SEZ6L: variants seen among roughly 807,000 people sequenced by gnomAD.
SEZ6L encodes seizure related 6 homolog like.
SEZ6L carries 37 observed loss-of-function variants against 106.2 expected under a neutral mutation model. The observed-to-expected ratio is 0.35, with a 90% CI of 0.27 to 0.46. SEZ6L has a LOEUF of 0.46. Among genes scored for constraint, SEZ6L ranks in the 20% least tolerant of loss-of-function variants. The pLI is 1.00. For missense variants in SEZ6L, 1,172 were observed against 1,332.8 expected (o/e 0.88, Z 1.88); for synonymous variants, 541 against 570.4 (o/e 0.95, Z 0.73).
chr22:26,343,159 C>T (rs1423793779), intron 10 of SEZ6L, among the ~76,000 whole-genome samples: 2 of 151,952 alleles, frequency 1.3e-5, no homozygotes, highest in Non-Finnish European at 2.9e-5. Flanking sequence ...GGCAATGTAC[C>T]CTCCAGACTC....
intron 1 of SEZ6L, among the ~76,000 whole-genome samples, chr22:26,222,986 C>CAA (rs11344783): frequency 1.4e-5 from 2 of 147,028 alleles, no homozygotes; most frequent in Admixed American, 6.8e-5. Context: ...CAGCCTCCCA[C>CAA]AAAAAAAAAA....
intron 12 of SEZ6L, among the ~76,000 whole-genome samples, chr22:26,358,533 C>A (rs2083511759): frequency 6.6e-6 from 1 of 152,156 alleles, no homozygotes; most frequent in African/African-American, 2.4e-5. Context: ...TGATTTCGAG[C>A]TTTTTGTTCA....
rs79235025 is a variant in SEZ6L at position 26,346,234 on chromosome 22, G to A, written c.2213-1485G>A. Among the ~76,000 whole-genome samples the A allele has an allele frequency of 9.1e-3, 1,384 of 151,986 alleles. 23 individuals are homozygous for A. The highest frequency in any genetic ancestry group is 0.032 in the African/African-American group (1,333 of 41,440). ...TTATTGTTTTTGTAGAGATGGGGAGGTCTCCCTACATTGTCCAAGCTGATC... is the reference window on the plus strand; with the variant it reads ...TTATTGTTTTTGTAGAGATGGGGAGATCTCCCTACATTGTCCAAGCTGATC... On this transcript the variant is annotated intron_variant, in intron 10 of 16. Coordinates refer to ENST00000248933, the MANE Select transcript of SEZ6L (RefSeq NM_021115.5).
At chr22:26,297,673 G>A (rs1232368801) in intron 4 of SEZ6L, among the ~76,000 whole-genome samples, 4 of 151,992 alleles carry the variant, frequency 2.6e-5, no homozygotes, top group Non-Finnish European at 5.9e-5. Context: ...TTTCCTTTTT[G>A]TCTGTTCCTG....
At chr22:26,369,531 G>A (rs1292365674) in intron 13 of SEZ6L, among the ~76,000 whole-genome samples, 2 of 150,908 alleles carry the variant, frequency 1.3e-5, no homozygotes, top group Admixed American at 6.6e-5. Context: ...TAGTAGAGAC[G>A]GGTTTTCACC....
At chr22:26,326,354 C>T (rs973955453) in intron 9 of SEZ6L, among the ~76,000 whole-genome samples, 5 of 152,246 alleles carry the variant, frequency 3.3e-5, no homozygotes, top group Middle Eastern at 3.4e-3. Flanking sequence ...ACTTACTATT[C>T]GACAAGTGTT....
chr22:26,326,780 G>C (rs2082317182), intron 9 of SEZ6L, among the ~76,000 whole-genome samples: 1 of 152,236 alleles, frequency 6.6e-6, no homozygotes, highest in Non-Finnish European at 1.5e-5. Flanking sequence ...AGGCAGAGGT[G>C]GGCCGAGGTG....
intron 1 of SEZ6L, among the ~76,000 whole-genome samples, chr22:26,271,162 T>C (rs755070659): frequency 6.6e-6 from 1 of 152,204 alleles, no homozygotes; most frequent in African/African-American, 2.4e-5. Context: ...CCTTGAAGGA[T>C]AGGAACTATA....
chr22:26,298,917 A>T, intron 4 of SEZ6L, 67 bp from the exon 5 acceptor site: 1 of 1,445,028 alleles, frequency 6.9e-7, no homozygotes, highest in East Asian at 2.6e-5. Context: ...GGCTCCCAGG[A>T]TGTGGGTCAG....
chr22:26,243,048 C>T (rs1460488299), intron 1 of SEZ6L, among the ~76,000 whole-genome samples: 2 of 152,202 alleles, frequency 1.3e-5, no homozygotes, highest in Non-Finnish European at 2.9e-5. Flanking sequence ...GTAGTCTCTG[C>T]TCTACCTCTG....
intron 10 of SEZ6L, among the ~76,000 whole-genome samples, chr22:26,347,183 C>T (rs1360231183): frequency 6.9e-6 from 1 of 145,778 alleles, no homozygotes; most frequent in Non-Finnish European, 1.5e-5. Flanking sequence ...GCAACAGAGA[C>T]CCTGCCTGTA....
At chr22:26,255,943 G>A (rs149750839) in intron 1 of SEZ6L, among the ~76,000 whole-genome samples, 259 of 152,328 alleles carry the variant, frequency 1.7e-3, no homozygotes, top group Non-Finnish European at 2.8e-3. Context: ...TGTTGGAAGA[G>A]CACATGAGTG....
intron 9 of SEZ6L, among the ~76,000 whole-genome samples, 171 bp downstream of exon 9, chr22:26,314,073 C>T (rs905280360): frequency 2.6e-5 from 2 of 76,334 alleles, no homozygotes; most frequent in African/African-American, 4.1e-5. Flanking sequence ...ATCACAAATA[C>T]ACACACACAC....
intron 1 of SEZ6L, among the ~76,000 whole-genome samples, chr22:26,209,870 A>AGGAAGGAAGGAAAGAAGGGAGAGC (rs2078100450): frequency 6.8e-6 from 1 of 147,684 alleles, no homozygotes. Flanking sequence ...GAAGGGAGAG[A>AGGAAGGAAGGAAAGAAGGGAGAGC]GGAAGGAAGG....
At chr22:26,355,780 T>C (rs1187127328) in intron 12 of SEZ6L, among the ~76,000 whole-genome samples, 1 of 152,186 alleles carries the variant, frequency 6.6e-6, no homozygotes, top group Non-Finnish European at 1.5e-5. Flanking sequence ...TAAGCTCTGG[T>C]TGTCTACAGC....
chr22:26,341,587 A>G (rs2082838724), intron 10 of SEZ6L, among the ~76,000 whole-genome samples: 1 of 152,120 alleles, frequency 6.6e-6, no homozygotes, highest in East Asian at 1.9e-4. Context: ...AAATCCATCT[A>G]TCCAACTCCC....
chr22:26,226,905 A>G (rs918904910), intron 1 of SEZ6L, among the ~76,000 whole-genome samples: 1 of 152,180 alleles, frequency 6.6e-6, no homozygotes, highest in Non-Finnish European at 1.5e-5. Context: ...TGAAGAATGA[A>G]ACCACACAAT....
At chr22:26,305,722 T>C (rs2081607702) in intron 5 of SEZ6L, among the ~76,000 whole-genome samples, 1 of 152,208 alleles carries the variant, frequency 6.6e-6, no homozygotes, top group Non-Finnish European at 1.5e-5. Flanking sequence ...ATGTTGATGG[T>C]TCCAATTGTA....
chr22:26,207,011 T>C (rs1941304837), intron 1 of SEZ6L, among the ~76,000 whole-genome samples: 4 of 152,248 alleles, frequency 2.6e-5, no homozygotes, highest in Admixed American at 2.6e-4. Flanking sequence ...TATTTTCTTC[T>C]TAATGCATCT....
Sources: gnomAD v4.1 joint callset for allele counts (sites outside exome capture counted in the v4.1 genomes callset) on GRCh38, gnomAD v4.1.1 for gene constraint, MANE v1.5 for transcripts, NCBI Gene and HGNC (gene_info 2026-07-23, HGNC 2026-07-21) for gene names.